Variants in DENND6B observed in about 807,000 individuals in gnomAD.
DENND6B encodes protein DENND6B.
A neutral mutation model predicts 85.1 loss-of-function variants in DENND6B; 73 were observed. That is an observed-to-expected ratio of 0.86 (90% CI 0.71 to 1.04). The LOEUF (loss-of-function observed/expected upper bound fraction) is 1.04. Ranked by LOEUF, DENND6B falls within the 50% of genes least tolerant of loss-of-function variation. DENND6B has a pLI of 0.00. For synonymous variants in DENND6B, 357 were observed against 329.3 expected (o/e 1.08, Z -0.91); for missense variants, 715 against 785.8 (o/e 0.91, Z 1.08).
rs1212016688 is a variant in DENND6B, at chr22:50,312,198, T to C, written c.1699A>G (p.Ile567Val). The C allele has an allele frequency of 3.1e-6, 5 of 1,612,476 alleles. No homozygotes were observed. The highest frequency in any genetic ancestry group is 3.4e-6 in the Non-Finnish European group (4 of 1,179,742). ...EATLQRAQLY[I>V]ETVIGSLPKD... ...GGCAGGGAGCCGATGACCGTCTCGA[T>C]GTACAGCTGTGCCCGCTGCAGCGTA... Residue 567 changes from isoleucine (I) to valine (V), a missense_variant, in exon 20 of 20, where the codon ATC becomes GTC. Physicochemically the swap from Ile to Val is conservative, Grantham distance 29. Coordinates refer to ENST00000413817, the MANE Select transcript of DENND6B (RefSeq NM_001001794.4).
At chr22:50,315,880 C>G in intron 8 of DENND6B, 111 bp from the exon 9 acceptor site, 1 of 1,509,404 alleles carries the variant, frequency 6.6e-7, no homozygotes, top group East Asian at 2.3e-5. Context: ...CAGCCCTACA[C>G]CAACACACAG....
Position 50,318,091 on chromosome 22 carries a change from C to T in DENND6B, c.260-71G>A, listed in dbSNP as rs775797109. The T allele has an allele frequency of 4.2e-5, 64 of 1,522,836 alleles. 1 individual carries two copies. In the South Asian group the frequency reaches 6.5e-4, roughly 15 times the overall value. The allele number at this position is 1,522,836 out of a possible 1,614,324, so 94.3% of individuals were successfully genotyped here. On this transcript the variant is annotated intron_variant, in intron 3 of 19. Transcript: ENST00000413817. The stretch of plus-strand genomic sequence containing the variant: ...TTCTGCAGGCCCTGGAGCTGGTGAC[C>T]GGGGAGCAAGGGCCCTGCGAGCCTG...
At chr22:50,314,299 C>T in intron 12 of DENND6B, 27 bp from the exon 13 acceptor site, 1 of 1,605,622 alleles carries the variant, frequency 6.2e-7, no homozygotes. Flanking sequence ...GTGGCCAGGC[C>T]TCAGTGCCCG....
rs1202813537 is a variant in DENND6B at position 50,311,393 on chromosome 22, C to G, written c.*746G>C. ...TGCATGTGGGGGATGGACGGACACACTTGGACAACAGGAGCCCTGTCCACC... is the reference window on the plus strand; with the variant it reads ...TGCATGTGGGGGATGGACGGACACAGTTGGACAACAGGAGCCCTGTCCACC... On this transcript the variant is annotated 3_prime_UTR_variant, in exon 20 of 20. Transcript: ENST00000413817. 6.6e-6 allele frequency: 1 copy of G among 152,266 alleles called. No individual in the cohort carries two copies. Among genetic ancestry groups the G allele is most frequent in the East Asian group, 1.9e-4 (1 of 5,196 alleles). 9.4% of individuals were successfully genotyped at this position (152,266 alleles called of 1,614,324 possible).
chr22:50,320,634 G>A (rs188332418), intron 1 of DENND6B, among the ~76,000 whole-genome samples: 5 of 152,306 alleles, frequency 3.3e-5, no homozygotes, highest in South Asian at 4.1e-4. Context: ...GGAGGAGGAC[G>A]AGGGTGGAAG....
At position 50,319,900 on chromosome 22, in the gene DENND6B, C is replaced by A. The variant is rs573759685; in HGVS notation, c.178-897G>T. On this transcript the variant is annotated intron_variant, in intron 1 of 19. Coordinates refer to ENST00000413817, the MANE Select transcript of DENND6B (RefSeq NM_001001794.4). Reference sequence around the variant, plus strand: ...GGAGGAGAGCATGATGCTAAGCAGGCGCTGAATGACTTGGAAGACAGGTGT... The same window carrying A: ...GGAGGAGAGCATGATGCTAAGCAGGAGCTGAATGACTTGGAAGACAGGTGT... Among the ~76,000 whole-genome samples, 3 of 152,268 alleles carry A rather than the reference C, an allele frequency of 2.0e-5. No homozygotes were observed. The East Asian group carries it at 5.8e-4, about 29-fold the overall frequency.
At position 50,314,129 on chromosome 22, in the gene DENND6B, G is replaced by C; in HGVS notation, c.1138+78C>G. The C allele has an allele frequency of 3.4e-6, 5 of 1,488,328 alleles. No individual in the cohort carries two copies. The South Asian group carries it at 6.5e-5, about 19-fold the overall frequency. 92.2% of individuals were successfully genotyped at this position (1,488,328 alleles called of 1,614,324 possible). A position where few individuals can be genotyped will look rare whatever the true frequency, so the allele number is the denominator to read the frequency against. ...GGATCAGGGGTCTGGGGGCCTGGCTGCCCCACCCGAGAGACCCGCCAGGTA... is the reference window on the plus strand; with the variant it reads ...GGATCAGGGGTCTGGGGGCCTGGCTCCCCCACCCGAGAGACCCGCCAGGTA... On this transcript the variant is annotated intron_variant, in intron 13 of 19. Coordinates refer to ENST00000413817, the MANE Select transcript of DENND6B (RefSeq NM_001001794.4).
intron 1 of DENND6B, among the ~76,000 whole-genome samples, chr22:50,320,479 C>G (rs2042009407): frequency 2.0e-5 from 3 of 152,246 alleles, no homozygotes. Flanking sequence ...TCTAAGGACC[C>G]TGTCCTGGTT....
At chr22:50,318,648 G>A (rs1263935003) in intron 3 of DENND6B, among the ~76,000 whole-genome samples, 199 bp downstream of exon 3, 2 of 152,160 alleles carry the variant, frequency 1.3e-5, no homozygotes, top group East Asian at 1.9e-4. Flanking sequence ...CCCTTTCTAC[G>A]TGAATCTGGG....
At chr22:50,313,922 C>T (rs773045361) in intron 13 of DENND6B, 44 bp from the exon 14 acceptor site, 18 of 1,564,994 alleles carry the variant, frequency 1.2e-5, no homozygotes, top group Admixed American at 9.0e-5. Flanking sequence ...CAAGGGCCTC[C>T]CTCCCACACT....
In DENND6B at chr22:50,312,584, T is replaced by TG. The variant is rs1161370556; in HGVS notation, c.1498dup (p.Gln500ProfsTer20). On this transcript the variant is annotated frameshift_variant, in exon 18 of 20. Transcript: ENST00000413817. LOFTEE classifies it high-confidence loss of function. ...CTTCAGGGCCATCTCCTTGTGCCGCTGCCGGTACCAGCCATCAAAATGGGG... is the reference window on the plus strand; with the variant it reads ...CTTCAGGGCCATCTCCTTGTGCCGCTGGCCGGTACCAGCCATCAAAATGGGG... 1 of 1,589,624 alleles carries TG rather than the reference T, an allele frequency of 6.3e-7. No individual in the cohort carries two copies. Among genetic ancestry groups the TG allele is most frequent in the African/African-American group, 1.3e-5 (1 of 74,306 alleles).
At chr22:50,315,588 A>C in intron 9 of DENND6B, 126 bp downstream of exon 9, 3 of 1,162,270 alleles carry the variant, frequency 2.6e-6, no homozygotes, top group Non-Finnish European at 3.6e-6. Flanking sequence ...ACACACGTGC[A>C]CACGTGCACT....
intron 1 of DENND6B, among the ~76,000 whole-genome samples, chr22:50,321,227 G>GT (rs2147787676): frequency 6.6e-6 from 1 of 152,300 alleles, no homozygotes; most frequent in East Asian, 1.9e-4. Context: ...CTTCTCCTGT[G>GT]TGAGAGCCTC....
chr22:50,322,078 A>ATTTT (rs71198240), intron 1 of DENND6B, among the ~76,000 whole-genome samples: 1 of 143,038 alleles, frequency 7.0e-6, no homozygotes. Flanking sequence ...GTCCTCAATA[A>ATTTT]TTTTTTTTTT....
At chr22:50,316,861 T>C (rs780365270) in intron 5 of DENND6B, 263 of 708,174 alleles carry the variant, frequency 3.7e-4, no homozygotes, top group Non-Finnish European at 4.4e-4. Flanking sequence ...GGGGCAGCAG[T>C]GTCCTGGACC....
chr22:50,321,632 GA>G (rs1425614881), intron 1 of DENND6B, among the ~76,000 whole-genome samples: 1 of 152,054 alleles, frequency 6.6e-6, no homozygotes, highest in Non-Finnish European at 1.5e-5. Flanking sequence ...AAAGTGCTAG[GA>G]TTACAGGTGT....
chr22:50,313,328 G>T, intron 16 of DENND6B, 118 bp downstream of exon 16: 1 of 1,358,402 alleles, frequency 7.4e-7, no homozygotes, highest in South Asian at 1.5e-5. Context: ...AAACATGATG[G>T]CCTTGAGGCC....
In DENND6B at chr22:50,311,170, G is replaced by A. The variant is rs968419954; in HGVS notation, c.*969C>T. The A allele has an allele frequency of 2.0e-5, 3 of 152,186 alleles. No individual in the cohort carries two copies. Among genetic ancestry groups the A allele is most frequent in the Non-Finnish European group, 2.9e-5 (2 of 68,088 alleles). The allele number at this position is 152,186 out of a possible 1,614,324, so 9.4% of individuals were successfully genotyped here. On this transcript the variant is annotated 3_prime_UTR_variant, in exon 20 of 20. Transcript: ENST00000413817. ...GATGCTGAGCAGGGCTTGGCTGTCCGGAGCCCTGACAGTACCGTCACTGTG... is the reference window on the plus strand; with the variant it reads ...GATGCTGAGCAGGGCTTGGCTGTCCAGAGCCCTGACAGTACCGTCACTGTG...
At chr22:50,314,731 G>A (rs767454261) in intron 10 of DENND6B, 31 bp from the exon 11 acceptor site, 1 of 1,570,430 alleles carries the variant, frequency 6.4e-7, no homozygotes, top group Non-Finnish European at 8.6e-7. Context: ...GAGCAGGTGA[G>A]GCAGGGGCAG....
Sources: gnomAD v4.1 joint callset for allele counts (sites outside exome capture counted in the v4.1 genomes callset) on GRCh38, gnomAD v4.1.1 for gene constraint, MANE v1.5 for transcripts, NCBI Gene and HGNC (gene_info 2026-07-23, HGNC 2026-07-21) for gene names.